ADAMTS9: variants seen among roughly 807,000 people sequenced by gnomAD.
ADAMTS9 encodes the protein A disintegrin and metalloproteinase with thrombospondin motifs 9.
A neutral mutation model predicts 257.1 loss-of-function variants in ADAMTS9; 107 were observed. That is an observed-to-expected ratio of 0.42 (90% CI 0.36 to 0.49). The LOEUF is 0.49. Ranked by LOEUF, ADAMTS9 falls within the 20% of genes least tolerant of loss-of-function variation. ADAMTS9 has a pLI of 0.03. For synonymous variants in ADAMTS9, 982 were observed against 880.9 expected (o/e 1.11, Z -2.03); for missense variants, 2,353 against 2,469.1 (o/e 0.95, Z 1.00).
At chr3:64,584,978 T>C (rs2084110585) in intron 28 of ADAMTS9, among the ~76,000 whole-genome samples, 1 of 152,162 alleles carries the variant, frequency 6.6e-6, no homozygotes, top group Admixed American at 6.5e-5. Flanking sequence ...CTTCTACCAG[T>C]TAGCTCTTTA....
At chr3:64,666,542 C>G (rs1231716861) in intron 3 of ADAMTS9, among the ~76,000 whole-genome samples, 1 of 152,132 alleles carries the variant, frequency 6.6e-6, no homozygotes, top group Non-Finnish European at 1.5e-5. Context: ...TGGAGCCAGG[C>G]CAACCCTGGT....
At chr3:64,559,519 G>C (rs898427911) in intron 30 of ADAMTS9, among the ~76,000 whole-genome samples, 1 of 152,234 alleles carries the variant, frequency 6.6e-6, no homozygotes, top group Non-Finnish European at 1.5e-5. Context: ...TACTCACAGA[G>C]TCTTTTCTCT....
At chr3:64,531,910 C>T (rs1410150522) in intron 38 of ADAMTS9, among the ~76,000 whole-genome samples, 9 of 152,294 alleles carry the variant, frequency 5.9e-5, no homozygotes, top group Middle Eastern at 6.8e-3. Flanking sequence ...TTCCACGAGC[C>T]GGGTTTCTGC....
intron 12 of ADAMTS9, among the ~76,000 whole-genome samples, chr3:64,636,713 T>G (rs989223806): frequency 6.6e-6 from 1 of 152,216 alleles, no homozygotes; most frequent in African/African-American, 2.4e-5. Context: ...ACATGTGAAC[T>G]ATGGGAAATT....
At chr3:64,572,602 C>G (rs1444414893) in intron 28 of ADAMTS9, among the ~76,000 whole-genome samples, 2 of 152,102 alleles carry the variant, frequency 1.3e-5, no homozygotes, top group Non-Finnish European at 2.9e-5. Context: ...AATGGGATCC[C>G]TGGGGTTGCT....
At chr3:64,677,093 T>C (rs571010664) in intron 3 of ADAMTS9, among the ~76,000 whole-genome samples, 2 of 152,138 alleles carry the variant, frequency 1.3e-5, no homozygotes, top group Non-Finnish European at 2.9e-5. Flanking sequence ...AAGTGGCTTA[T>C]AAAAGCAAGC....
At chr3:64,671,636 A>G (rs1246311819) in intron 3 of ADAMTS9, among the ~76,000 whole-genome samples, 30 of 152,234 alleles carry the variant, frequency 2.0e-4, no homozygotes. Flanking sequence ...AGGAATTGGG[A>G]ATCAATAAAA....
At chr3:64,616,246 T>C (rs1276403217) in intron 19 of ADAMTS9, 76 bp from the exon 20 acceptor site, 2 of 1,480,150 alleles carry the variant, frequency 1.4e-6, no homozygotes, top group African/African-American at 1.4e-5. Context: ...CTGGTATTCA[T>C]AGAAGAGTTG....
chr3:64,532,088 T>C (rs2082989403), intron 38 of ADAMTS9, among the ~76,000 whole-genome samples: 1 of 152,164 alleles, frequency 6.6e-6, no homozygotes, highest in Non-Finnish European at 1.5e-5. Flanking sequence ...GGCAGGTGCA[T>C]TTAAAAATTC....
In ADAMTS9 at chr3:64,687,344, T is replaced by G. The variant is rs1207921688; in HGVS notation, c.115+199A>C. ...CTGGCAACAGCAAGGTAGGGGGGGG[T>G]TGCCTAAATTCGTTTCCATAGTGTC... On this transcript the variant is annotated intron_variant, in intron 1 of 39. Transcript: ENST00000498707. This position sits in a 1 kb window ranked among gnomAD's most constrained non-coding sequence, Gnocchi z 4.4. 2.7e-5 allele frequency among the ~76,000 whole-genome samples: 4 copies of G among 149,766 alleles called. No individual in the cohort carries two copies. The highest frequency in any genetic ancestry group is 9.9e-5 in the African/African-American group (4 of 40,444).
intron 10 of ADAMTS9, among the ~76,000 whole-genome samples, chr3:64,648,352 A>T (rs763037071): frequency 1.3e-5 from 2 of 152,168 alleles, no homozygotes; most frequent in Non-Finnish European, 2.9e-5. Context: ...AAGTGACCAC[A>T]GTCCTGAGTA....
intron 3 of ADAMTS9, among the ~76,000 whole-genome samples, chr3:64,663,052 A>C (rs543144437): frequency 2.8e-4 from 43 of 152,222 alleles, no homozygotes; most frequent in Admixed American, 9.2e-4. Context: ...ATCCAAAAAA[A>C]CCCAAAATCT....
intron 38 of ADAMTS9, among the ~76,000 whole-genome samples, chr3:64,525,441 AC>A (rs1292828523): frequency 6.6e-6 from 1 of 152,134 alleles, no homozygotes; most frequent in African/African-American, 2.4e-5. Context: ...ATTTGTGCCT[AC>A]ATTTTAGGAT....
rs778878571 is a variant in ADAMTS9 at position 64,604,252 on chromosome 3, T to A, written c.3554A>T (p.Gln1185Leu). ...RRSTYSAPRTQWRFGSWTPCS... is the reference protein window; with the variant it reads ...RRSTYSAPRTLWRFGSWTPCS... The stretch of plus-strand genomic sequence containing the variant: ...TGGGGTCCAAGACCCAAATCGCCAC[T>A]GGGTTCTTGGTGCACTGTATGTGCT... Residue 1185 changes from glutamine to leucine, a missense_variant, in exon 24 of 40, where the codon CAG (glutamine) becomes CTG (leucine). This residue lies in a region of ADAMTS9 where 1,402 missense variants were observed against 1,441.4 expected (regional missense o/e 0.97). Transcript: ENST00000498707. 6.2e-7 allele frequency: 1 copy of A among 1,613,554 alleles called. No homozygotes were observed. The highest frequency in any genetic ancestry group is 1.1e-5 in the South Asian group (1 of 90,968).
intron 38 of ADAMTS9, 118 bp downstream of exon 38, chr3:64,533,048 A>G: frequency 1.2e-6 from 1 of 856,066 alleles, no homozygotes; most frequent in Non-Finnish European, 1.8e-6. Flanking sequence ...ACACTACAAA[A>G]TGGCTTAAGT....
chr3:64,605,743 A>T (rs2084546024), intron 23 of ADAMTS9, among the ~76,000 whole-genome samples: 1 of 152,176 alleles, frequency 6.6e-6, no homozygotes, highest in Non-Finnish European at 1.5e-5. Context: ...GAGAAAAAAG[A>T]TGTGTGTGTG....
chr3:64,567,947 A>G (rs1250344673), intron 29 of ADAMTS9, among the ~76,000 whole-genome samples: 1 of 152,168 alleles, frequency 6.6e-6, no homozygotes, highest in Non-Finnish European at 1.5e-5. Flanking sequence ...ATTTTCTAGA[A>G]CTTTCGTCAA....
intron 32 of ADAMTS9, among the ~76,000 whole-genome samples, chr3:64,544,745 A>G (rs575872551): frequency 5.9e-5 from 9 of 152,352 alleles, no homozygotes; most frequent in South Asian, 4.1e-4. Flanking sequence ...AATGGCAACA[A>G]AAGCCAAAAT....
chr3:64,668,743 C>G (rs35304379), intron 3 of ADAMTS9, among the ~76,000 whole-genome samples: 25,076 of 152,124 alleles, frequency 0.16, 2,472 homozygotes, highest in Non-Finnish European at 0.23. Context: ...CCAGGCCTGC[C>G]GCTGGGATCT....
Sources: allele counts gnomAD v4.1 joint callset (sites outside exome capture counted in the v4.1 genomes callset), GRCh38; gene constraint gnomAD v4.1.1; regional missense constraint gnomAD v4.1.1; non-coding constraint Gnocchi (gnomAD v3.1); transcripts MANE v1.5; gene names NCBI Gene and HGNC (gene_info 2026-07-23, HGNC 2026-07-21).